Variants in AGO3 observed in about 807,000 individuals in gnomAD.
The protein encoded by AGO3 is protein argonaute-3.
AGO3 carries 16 observed loss-of-function variants against 105.5 expected under a neutral mutation model. The observed-to-expected ratio is 0.15, with a 90% CI of 0.10 to 0.23. The LOEUF (loss-of-function observed/expected upper bound fraction) is 0.23. AGO3 is among the 10% of genes least tolerant of loss of function. AGO3 has a pLI of 1.00. For synonymous variants in AGO3, 340 were observed against 367.3 expected, an observed-to-expected ratio of 0.93 and a Z score of 0.85; for missense variants, 534 against 1,088.0, an observed-to-expected ratio of 0.49 and a Z score of 7.16.
chr1:36,024,043 A>C (rs1641371863), intron 11 of AGO3, among the ~76,000 whole-genome samples: 1 of 152,114 alleles, frequency 6.6e-6, no homozygotes, highest in Non-Finnish European at 1.5e-5. Context: ...TGCTCTGCTA[A>C]AACTGGTTCC....
intron 14 of AGO3, among the ~76,000 whole-genome samples, chr1:36,039,510 A>T (rs1352271971): frequency 6.8e-6 from 1 of 147,808 alleles, no homozygotes; most frequent in Non-Finnish European, 1.5e-5. Flanking sequence ...AAAAAAAAAA[A>T]AAAAAAGAGA....
At chr1:36,004,068 C>T in intron 5 of AGO3, 1 of 260,254 alleles carries the variant, frequency 3.8e-6, no homozygotes, top group Non-Finnish European at 7.2e-6. Context: ...CTCTTTCAAG[C>T]CTTGTCTCAC....
chr1:36,020,622 T>TATTG (rs1392498809), intron 11 of AGO3, among the ~76,000 whole-genome samples: 3 of 152,272 alleles, frequency 2.0e-5, no homozygotes, highest in East Asian at 3.9e-4. Flanking sequence ...TTTATTTATT[T>TATTG]ATTTATTTAT....
Position 36,070,545 on chromosome 1 carries a change from T to TC in AGO3, c.*14800_*14801insC, listed in dbSNP as rs1643148228. The TC allele has an allele frequency of 6.6e-6, 1 of 152,190 alleles. No individual in the cohort carries two copies. The highest frequency in any genetic ancestry group is 1.5e-5 in the Non-Finnish European group (1 of 68,034). 9.4% of individuals were successfully genotyped at this position (152,190 alleles called of 1,614,324 possible). A position where few individuals can be genotyped will look rare whatever the true frequency, so the allele number is the denominator to read the frequency against. On this transcript the variant is annotated 3_prime_UTR_variant, in exon 19 of 19. Transcript: ENST00000373191. Reference sequence around the variant, plus strand: ...TTCTTTGTTGCAACAGACAAGATTTTTTTTAAAAAAAGAAAAAAGGATGCA... The same window carrying TC: ...TTCTTTGTTGCAACAGACAAGATTTTCTTTTAAAAAAAGAAAAAAGGATGCA...
intron 5 of AGO3, chr1:35,984,460 C>T (rs1386657478): frequency 1.3e-5 from 2 of 152,216 alleles, no homozygotes; most frequent in African/African-American, 4.8e-5. Flanking sequence ...AACTTCTGTT[C>T]TTCTTACAGG....
chr1:35,997,928 C>G (rs923629064), intron 5 of AGO3, among the ~76,000 whole-genome samples: 1 of 152,096 alleles, frequency 6.6e-6, no homozygotes, highest in East Asian at 1.9e-4. Flanking sequence ...AACTCCTGAC[C>G]TCAGGTGATC....
At chr1:36,016,801 C>A (rs1640926193) in intron 11 of AGO3, among the ~76,000 whole-genome samples, 1 of 152,114 alleles carries the variant, frequency 6.6e-6, no homozygotes, top group Non-Finnish European at 1.5e-5. Flanking sequence ...AAAACCTGGT[C>A]TATTTTAGGA....
At chr1:36,041,669 C>T (rs1279375795) in intron 16 of AGO3, among the ~76,000 whole-genome samples, 1 of 152,116 alleles carries the variant, frequency 6.6e-6, no homozygotes, top group Non-Finnish European at 1.5e-5. Flanking sequence ...AGTGTTGTTT[C>T]CCCTTGAGAA....
chr1:36,031,898 G>T (rs1360873736), intron 12 of AGO3, among the ~76,000 whole-genome samples: 6 of 150,430 alleles, frequency 4.0e-5, no homozygotes, highest in Non-Finnish European at 8.9e-5. Context: ...ATGTGTGTGT[G>T]GGGGGGCGGG....
At chr1:35,964,091 T>C (rs913521082) in intron 2 of AGO3, among the ~76,000 whole-genome samples, 4 of 152,138 alleles carry the variant, frequency 2.6e-5, no homozygotes, top group African/African-American at 9.7e-5. Flanking sequence ...AAATTGTATA[T>C]GTGTATGTAT....
chr1:36,036,837 G>A (rs964908319), intron 14 of AGO3, among the ~76,000 whole-genome samples: 4 of 152,070 alleles, frequency 2.6e-5, no homozygotes, highest in African/African-American at 9.7e-5. Flanking sequence ...TGGGATTACA[G>A]GCACCTGCCA....
At chr1:36,052,134 A>G (rs965353565) in intron 17 of AGO3, among the ~76,000 whole-genome samples, 2 of 152,218 alleles carry the variant, frequency 1.3e-5, no homozygotes, top group Admixed American at 6.5e-5. Context: ...TTGCAGTACT[A>G]TTACAATAGG....
intron 14 of AGO3, among the ~76,000 whole-genome samples, chr1:36,038,404 C>T (rs1466074977): frequency 3.3e-5 from 5 of 151,852 alleles, no homozygotes; most frequent in Non-Finnish European, 7.4e-5. Context: ...TACAGGTGCA[C>T]GCTGACACAC....
chr1:36,050,532 C>A (rs1642665300), intron 17 of AGO3, among the ~76,000 whole-genome samples: 1 of 151,808 alleles, frequency 6.6e-6, no homozygotes, highest in South Asian at 2.1e-4. Context: ...TAGCTCACGC[C>A]TGTAATCCCA....
intron 4 of AGO3, 120 bp downstream of exon 4, chr1:35,972,352 C>A (rs993225281): frequency 1.8e-6 from 2 of 1,140,624 alleles, no homozygotes; most frequent in Admixed American, 2.3e-5. Context: ...AAATGTTGAA[C>A]AAGAATAGCA....
At chr1:35,930,806 ACTC>A (rs1282359166), upstream of AGO3, 2 of 164,390 alleles carry the variant, frequency 1.2e-5, no homozygotes, top group African/African-American at 2.4e-5. Flanking sequence ...CAGGTAGGCT[ACTC>A]CTCAGGTAAG....
intron 3 of AGO3, among the ~76,000 whole-genome samples, chr1:35,967,966 G>A (rs1646804084): frequency 6.6e-6 from 1 of 152,010 alleles, no homozygotes; most frequent in African/African-American, 2.4e-5. Context: ...TGACAGTAAC[G>A]TAGTTGAAGA....
At chr1:35,953,655 A>G (rs188380543) in intron 2 of AGO3, among the ~76,000 whole-genome samples, 354 of 111,702 alleles carry the variant, frequency 3.2e-3, no homozygotes, top group Non-Finnish European at 4.3e-3. Context: ...CCTCCCAAGT[A>G]GCATACCACC....
chr1:35,981,191 T>C (rs1197712722), intron 5 of AGO3, among the ~76,000 whole-genome samples: 2 of 152,226 alleles, frequency 1.3e-5, no homozygotes, highest in Non-Finnish European at 2.9e-5. Context: ...GAGTTTTCTT[T>C]GTCAGAAATG....
Sources: allele counts gnomAD v4.1 joint callset (sites outside exome capture counted in the v4.1 genomes callset), GRCh38; gene constraint gnomAD v4.1.1; transcripts MANE v1.5; gene names NCBI Gene and HGNC (gene_info 2026-07-23, HGNC 2026-07-21).